SASH1: variants seen among roughly 807,000 people sequenced by gnomAD.
SASH1 encodes the protein SAM and SH3 domain-containing protein 1.
In SASH1, 44 loss-of-function variants were observed where a neutral mutation model predicts 125.2. The ratio of observed to expected loss-of-function variants is 0.35; its 90% CI spans 0.28 to 0.45. The LOEUF (loss-of-function observed/expected upper bound fraction) is 0.45, where lower values mean the gene tolerates loss of function less well. SASH1 is among the 20% of genes least tolerant of loss of function. The pLI is 1.00. For missense variants in SASH1, 1,426 were observed against 1,614.5 expected (o/e 0.88, Z 2.00); for synonymous variants, 639 against 649.1 (o/e 0.98, Z 0.24).
intron 12 of SASH1, among the ~76,000 whole-genome samples, chr6:148,530,427 GC>G (rs1781444332): frequency 6.6e-6 from 1 of 151,948 alleles, no homozygotes; most frequent in South Asian, 2.1e-4. Flanking sequence ...ATACTTTGGA[GC>G]TTCAGTAACT....
At chr6:148,271,774 C>T (rs988165551), upstream of SASH1, among the ~76,000 whole-genome samples, 4 of 152,056 alleles carry the variant, frequency 2.6e-5, no homozygotes, top group East Asian at 1.9e-4. Flanking sequence ...TTAAACTTAC[C>T]GTGTTAAATG....
intron 1 of SASH1, among the ~76,000 whole-genome samples, chr6:148,316,955 T>C (rs1210310647): frequency 6.6e-6 from 1 of 152,198 alleles, no homozygotes; most frequent in Non-Finnish European, 1.5e-5. Flanking sequence ...TGCTTAAAAC[T>C]ACTGCCATTT....
At chr6:148,260,546 C>T in the SASH1 span, among the ~76,000 whole-genome samples, 1 of 146,682 alleles carries the variant, frequency 6.8e-6, no homozygotes, top group Admixed American at 7.0e-5. Flanking sequence ...TTTGAGACTG[C>T]AATAAGCTAT....
At chr6:148,371,405 C>T (rs1313862653) in intron 1 of SASH1, among the ~76,000 whole-genome samples, 2 of 151,794 alleles carry the variant, frequency 1.3e-5, no homozygotes, top group East Asian at 1.9e-4. Flanking sequence ...TACAGGCACC[C>T]GCCAGTACAC....
At chr6:148,320,562 G>A (rs1364493907) in intron 1 of SASH1, among the ~76,000 whole-genome samples, 1 of 152,220 alleles carries the variant, frequency 6.6e-6, no homozygotes, top group Admixed American at 6.5e-5. Context: ...AGGACATTAG[G>A]AAGAACCAAA....
At chr6:148,389,995 TA>T in intron 1 of SASH1, 138 bp from the exon 2 acceptor site, 1 of 978,034 alleles carries the variant, frequency 1.0e-6, no homozygotes, top group Non-Finnish European at 1.5e-6. Context: ...ATCCTGCATG[TA>T]AAACAACCTG....
chr6:148,449,078 C>CTTTTTTT lies in SASH1; in HGVS notation c.386+8680_386+8686dup. ...GAGACTGGCTAATTTCATTTCATTTCTTTTTTTTTTTTTTTGGAGACAGAG... is the reference window on the plus strand; with the variant it reads ...GAGACTGGCTAATTTCATTTCATTTCTTTTTTTTTTTTTTTTTTTTTTGGAGACAGAG... On this transcript the variant is annotated intron_variant, in intron 4 of 19. Coordinates refer to ENST00000367467, the MANE Select transcript of SASH1 (RefSeq NM_015278.5). Among the ~76,000 whole-genome samples, 141 of 88,484 alleles carry CTTTTTTT rather than the reference C, an allele frequency of 1.6e-3. 6 individuals are homozygous for CTTTTTTT. The highest frequency in any genetic ancestry group is 6.3e-3 in the Middle Eastern group (1 of 158). The allele number at this position is 88,484 out of a possible 152,430, so 58.0% of individuals were successfully genotyped here. A position where few individuals can be genotyped will look rare whatever the true frequency, so the allele number is the denominator to read the frequency against.
At chr6:148,467,944 A>AT (rs572256249) in intron 4 of SASH1, among the ~76,000 whole-genome samples, 171 of 152,272 alleles carry the variant, frequency 1.1e-3, no homozygotes, top group African/African-American at 3.7e-3. Flanking sequence ...CAAAAAAAAA[A>AT]ATGCAGATTT....
chr6:148,509,479 G>A (rs1178420041), intron 8 of SASH1: 1 of 155,854 alleles, frequency 6.4e-6, no homozygotes, highest in Non-Finnish European at 1.4e-5. Context: ...AGGGAAACAA[G>A]CTGAGTGAAA....
At chr6:148,379,351 A>G (rs765499769) in intron 1 of SASH1, among the ~76,000 whole-genome samples, 15 of 152,102 alleles carry the variant, frequency 9.9e-5, no homozygotes, top group Non-Finnish European at 1.9e-4. Context: ...TTCCCTCTGT[A>G]TGGAACTTCT....
chr6:148,475,293 C>T (rs1006938131), intron 7 of SASH1, among the ~76,000 whole-genome samples: 1 of 152,130 alleles, frequency 6.6e-6, no homozygotes, highest in African/African-American at 2.4e-5. Flanking sequence ...AACAGAATAC[C>T]ACAGACTGGG....
intron 7 of SASH1, 35 bp downstream of exon 7, chr6:148,474,257 G>A: frequency 7.4e-7 from 1 of 1,349,114 alleles, no homozygotes; most frequent in South Asian, 1.2e-5. Flanking sequence ...TATTTGTGAG[G>A]ACTTGACTTT....
At chr6:148,321,673 C>T (rs1029371781) in intron 1 of SASH1, among the ~76,000 whole-genome samples, 2 of 152,182 alleles carry the variant, frequency 1.3e-5, no homozygotes, top group African/African-American at 2.4e-5. Context: ...GGATTTACAA[C>T]TTATTTTCAC....
intron 1 of SASH1, chr6:148,379,931 A>C (rs1304633065): frequency 1.1e-5 from 5 of 456,470 alleles, no homozygotes; most frequent in South Asian, 6.2e-5. Flanking sequence ...CCAGGATTTT[A>C]AAGCAAGTCC....
chr6:148,221,085 C>T, the SASH1 span, among the ~76,000 whole-genome samples: 1 of 152,238 alleles, frequency 6.6e-6, no homozygotes, highest in South Asian at 2.1e-4. Flanking sequence ...AATGTTCATT[C>T]CATTTTTACA....
At chr6:148,226,851 C>G in the SASH1 span, among the ~76,000 whole-genome samples, 2 of 152,134 alleles carry the variant, frequency 1.3e-5, no homozygotes, top group Non-Finnish European at 2.9e-5. Context: ...GTCTCATTAG[C>G]AAGGATTGGG....
chr6:148,474,464 T>G (rs2115139545), intron 7 of SASH1, among the ~76,000 whole-genome samples: 1 of 152,352 alleles, frequency 6.6e-6, no homozygotes, highest in South Asian at 2.1e-4. Flanking sequence ...GAAAATGGCC[T>G]TCTGAATGCA....
At chr6:148,259,826 G>T in the SASH1 span, among the ~76,000 whole-genome samples, 1 of 152,114 alleles carries the variant, frequency 6.6e-6, no homozygotes, top group Admixed American at 6.6e-5. Context: ...TAAAACTAAG[G>T]TGATTTTTGT....
At position 148,303,666 on chromosome 6, in the gene SASH1, G is replaced by A. The variant is rs939983916; in HGVS notation, n.74+31289G>A. ...ACAGAACTTAGCTGGGTGGTGGCGG[G>A]CACCCATAATCCCAACTACTCAGGA... On this transcript the variant is annotated intron_variant and non_coding_transcript_variant, in intron 1 of 3. Coordinates refer to the SASH1 transcript ENST00000367469. Among the ~76,000 whole-genome samples the A allele has an allele frequency of 4.0e-5, 6 of 151,584 alleles. No individual in the cohort carries two copies. The South Asian group carries it at 1.3e-3, about 32-fold the overall frequency.
Sources: allele counts gnomAD v4.1 joint callset (sites outside exome capture counted in the v4.1 genomes callset), GRCh38; gene constraint gnomAD v4.1.1; transcripts MANE v1.5; gene names NCBI Gene and HGNC (gene_info 2026-07-23, HGNC 2026-07-21).